Variants in ZFYVE9 observed in about 807,000 individuals in gnomAD.
ZFYVE9 encodes the protein zinc finger FYVE domain-containing protein 9.
Under a neutral mutation model 126.7 loss-of-function variants are expected in ZFYVE9, and 43 were observed. That is an observed-to-expected ratio of 0.34 (90% CI 0.27 to 0.44). ZFYVE9 has a LOEUF of 0.44. ZFYVE9 is among the 20% of genes least tolerant of loss of function. The pLI, the probability that ZFYVE9 is intolerant of heterozygous loss-of-function variation, is 1.00. For missense variants in ZFYVE9, 1,476 were observed against 1,697.0 expected (o/e 0.87, Z 2.29); for synonymous variants, 521 against 597.4 (o/e 0.87, Z 1.87).
At chr1:52,341,003 C>G (rs919798848) in intron 17 of ZFYVE9, among the ~76,000 whole-genome samples, 1 of 151,626 alleles carries the variant, frequency 6.6e-6, no homozygotes, top group Admixed American at 6.6e-5. Context: ...AGCAGATCAC[C>G]TGAGGTCTGG....
chr1:52,319,752 G>T (rs1038300620), intron 13 of ZFYVE9, among the ~76,000 whole-genome samples: 1 of 151,716 alleles, frequency 6.6e-6, no homozygotes, highest in African/African-American at 2.4e-5. Context: ...CAGTGGCTCA[G>T]GCCTGTAATC....
chr1:52,303,792 T>A (rs1410077577), intron 12 of ZFYVE9, 29 bp from the exon 13 acceptor site: 1 of 1,438,286 alleles, frequency 7.0e-7, no homozygotes, highest in Admixed American at 2.3e-5. Flanking sequence ...ATGAATTAAT[T>A]TATTCTGCTT....
rs919392200 is a variant in ZFYVE9, at chr1:52,142,838, A to G, written c.-143+435A>G. Among the ~76,000 whole-genome samples, 6 of 152,252 alleles carry G rather than the reference A, an allele frequency of 3.9e-5. No homozygotes were observed. Among genetic ancestry groups the G allele is most frequent in the East Asian group, 3.9e-4 (2 of 5,168 alleles). ...TCAGAATCCCGGTTGTGGCGGGGAA[A>G]GGGGGAGGAGAGGAAGGCCAGGGTG... On this transcript the variant is annotated intron_variant, in intron 1 of 18. Transcript: ENST00000287727. This position sits in a 1 kb window ranked among gnomAD's most constrained non-coding sequence, Gnocchi z 4.5.
intron 5 of ZFYVE9, among the ~76,000 whole-genome samples, chr1:52,264,373 C>G (rs1311762676): frequency 1.3e-5 from 2 of 151,898 alleles, no homozygotes; most frequent in East Asian, 3.9e-4. Flanking sequence ...TTTTTAAAGC[C>G]CATTTATCTC....
chr1:52,222,484 G>A (rs1221322918), intron 2 of ZFYVE9, among the ~76,000 whole-genome samples: 1 of 152,222 alleles, frequency 6.6e-6, no homozygotes, highest in East Asian at 1.9e-4. Context: ...GAACAACAGG[G>A]TGGGCGGTTT....
intron 4 of ZFYVE9, among the ~76,000 whole-genome samples, chr1:52,240,127 A>G (rs75454599): frequency 0.033 from 5,094 of 152,286 alleles, 132 homozygotes; most frequent in Middle Eastern, 0.13. Flanking sequence ...CTTTTCTCCC[A>G]TATAACTTTG....
chr1:52,225,545 C>A (rs1331956349), intron 2 of ZFYVE9, among the ~76,000 whole-genome samples: 1 of 152,202 alleles, frequency 6.6e-6, no homozygotes, highest in East Asian at 1.9e-4. Flanking sequence ...GTGTCTTTCC[C>A]ATGTTGGATG....
intron 1 of ZFYVE9, among the ~76,000 whole-genome samples, chr1:52,182,083 C>T (rs1644713892): frequency 6.7e-6 from 1 of 150,126 alleles, no homozygotes. Flanking sequence ...GCTGCCCCGT[C>T]CGGAGGGAGG....
intron 1 of ZFYVE9, among the ~76,000 whole-genome samples, chr1:52,143,601 G>C (rs933751290): frequency 7.9e-5 from 12 of 152,196 alleles, no homozygotes; most frequent in Middle Eastern, 6.8e-3. Context: ...GGTTTATAAT[G>C]GGCTCGTACT....
At chr1:52,176,088 C>T (rs1644625357) in intron 1 of ZFYVE9, among the ~76,000 whole-genome samples, 1 of 152,180 alleles carries the variant, frequency 6.6e-6, no homozygotes, top group Non-Finnish European at 1.5e-5. Flanking sequence ...TTTAGAGTTT[C>T]CAGTTTTTCT....
intron 1 of ZFYVE9, among the ~76,000 whole-genome samples, chr1:52,202,001 C>A (rs986129494): frequency 5.9e-5 from 9 of 151,874 alleles, no homozygotes; most frequent in Non-Finnish European, 1.2e-4. Context: ...CCAGGTTGGT[C>A]TCGAACTCCT....
At chr1:52,286,164 A>G (rs932674188) in intron 10 of ZFYVE9, among the ~76,000 whole-genome samples, 2 of 152,118 alleles carry the variant, frequency 1.3e-5, no homozygotes, top group Non-Finnish European at 2.9e-5. Flanking sequence ...CTCAAAAAAA[A>G]AAAAAAACGT....
At chr1:52,155,267 G>GCT (rs1644392276) in intron 1 of ZFYVE9, among the ~76,000 whole-genome samples, 1 of 134,464 alleles carries the variant, frequency 7.4e-6, no homozygotes, top group Non-Finnish European at 1.5e-5. Context: ...ACGGAGTCTC[G>GCT]CTGTCGCCCA....
chr1:52,316,900 A>T (rs1475072893), intron 13 of ZFYVE9, among the ~76,000 whole-genome samples: 1 of 152,222 alleles, frequency 6.6e-6, no homozygotes, highest in Admixed American at 6.5e-5. Context: ...ATTCATTTCC[A>T]GTGCACACAG....
At chr1:52,171,000 GT>G (rs753279975) in intron 1 of ZFYVE9, among the ~76,000 whole-genome samples, 1,878 of 144,658 alleles carry the variant, frequency 0.013, 23 homozygotes, top group South Asian at 0.012. Flanking sequence ...AAGTCCGATG[GT>G]TTTTTTTTTT....
Position 52,202,664 on chromosome 1 carries a change from T to A in ZFYVE9, c.-142-13705T>A, listed in dbSNP as rs536497938. 7.8e-3 allele frequency among the ~76,000 whole-genome samples: 1,187 copies of A among 151,884 alleles called. 21 individuals are homozygous for A. Among genetic ancestry groups the A allele is most frequent in the African/African-American group, 0.022 (899 of 41,328 alleles). The stretch of plus-strand genomic sequence containing the variant: ...CCATTGACCTTCAAAGCAATTTTTT[T>A]AAAAAAAATTATTTTATGTATTCAT... On this transcript the variant is annotated intron_variant, in intron 1 of 18. Transcript: ENST00000287727.
At chr1:52,191,519 T>C (rs1419763029) in intron 1 of ZFYVE9, among the ~76,000 whole-genome samples, 1 of 152,224 alleles carries the variant, frequency 6.6e-6, no homozygotes. Flanking sequence ...TATAATGACA[T>C]ATATTTGTAG....
chr1:52,294,975 G>A (rs1413097507), intron 11 of ZFYVE9, among the ~76,000 whole-genome samples: 1 of 152,216 alleles, frequency 6.6e-6, no homozygotes, highest in Non-Finnish European at 1.5e-5. Flanking sequence ...AGGTGGCCAA[G>A]GCAGGCAGAT....
intron 5 of ZFYVE9, among the ~76,000 whole-genome samples, chr1:52,264,386 T>C (rs1190890338): frequency 6.6e-6 from 1 of 152,228 alleles, no homozygotes; most frequent in Non-Finnish European, 1.5e-5. Flanking sequence ...TTTATCTCTT[T>C]AATGCTACTT....
Sources: allele counts gnomAD v4.1 joint callset (sites outside exome capture counted in the v4.1 genomes callset), GRCh38; gene constraint gnomAD v4.1.1; non-coding constraint Gnocchi (gnomAD v3.1); transcripts MANE v1.5; gene names NCBI Gene and HGNC (gene_info 2026-07-23, HGNC 2026-07-21).